GRID2IP: variants seen among roughly 807,000 people sequenced by gnomAD.
GRID2IP encodes the protein Grid2 interacting protein, also known as delphilin.
Under a neutral mutation model 114.3 loss-of-function variants are expected in GRID2IP, and 78 were observed. The ratio of observed to expected loss-of-function variants is 0.68; its 90% CI spans 0.57 to 0.82. The LOEUF is 0.82. GRID2IP is among the 40% of genes least tolerant of loss of function. The pLI is 0.00. For missense variants in GRID2IP, 1,727 were observed against 1,678.5 expected, an observed-to-expected ratio of 1.03 and a Z score of -0.51; for synonymous variants, 809 against 724.0, an observed-to-expected ratio of 1.12 and a Z score of -1.89.
chr7:6,502,207 C>T (rs1206472686), intron 18 of GRID2IP, 89 bp from the exon 19 acceptor site: 5 of 1,278,568 alleles, frequency 3.9e-6, no homozygotes, highest in Middle Eastern at 1.9e-4. Flanking sequence ...ACTGTGGCAT[C>T]AATGATGAAT....
intron 20 of GRID2IP, among the ~76,000 whole-genome samples, chr7:6,499,542 T>G (rs1393937466): frequency 6.6e-6 from 1 of 152,230 alleles, no homozygotes; most frequent in African/African-American, 2.4e-5. Context: ...GTGATTCTCC[T>G]GCCTCAGCCT....
chr7:6,540,536 T>A (rs976965595), intron 1 of GRID2IP, among the ~76,000 whole-genome samples: 2 of 151,768 alleles, frequency 1.3e-5, no homozygotes, highest in African/African-American at 2.4e-5. Context: ...TTATTTATTT[T>A]TTGTGACAGA....
In GRID2IP at chr7:6,519,094, T is replaced by C. The variant is rs1306564784; in HGVS notation, c.1268+1484A>G. Among the ~76,000 whole-genome samples, 1 of 151,860 alleles carries C rather than the reference T, an allele frequency of 6.6e-6. No homozygotes were observed. The highest frequency in any genetic ancestry group is 1.5e-5 in the Non-Finnish European group (1 of 67,980). On this transcript the variant is annotated intron_variant, in intron 7 of 21. Coordinates refer to ENST00000457091, the MANE Select transcript of GRID2IP (RefSeq NM_001145118.2). This position sits in a 1 kb window ranked among gnomAD's most constrained non-coding sequence, Gnocchi z 4.1. ...CCACCATGCCCAGCTAATTTTTTCT[T>C]TTTGTAGAGATGGCTTCTTGCTCTG...
At chr7:6,500,033 G>A (rs899015096) in intron 20 of GRID2IP, among the ~76,000 whole-genome samples, 3 of 151,604 alleles carry the variant, frequency 2.0e-5, no homozygotes, top group African/African-American at 7.3e-5. Flanking sequence ...ACCTGGCCCA[G>A]AGGCTACCCT....
At chr7:6,550,140 C>T (rs908814496) in intron 1 of GRID2IP, among the ~76,000 whole-genome samples, 1 of 151,992 alleles carries the variant, frequency 6.6e-6, no homozygotes, top group African/African-American at 2.4e-5. Context: ...ATAAGGCATG[C>T]ACCACCATGC....
chr7:6,542,237 G>A (rs1317429214), intron 1 of GRID2IP, among the ~76,000 whole-genome samples: 2 of 149,830 alleles, frequency 1.3e-5, no homozygotes, highest in South Asian at 2.1e-4. Flanking sequence ...CCCAGGAGTC[G>A]GAGGTTGCAG....
chr7:6,541,048 A>G (rs528441195), intron 1 of GRID2IP, among the ~76,000 whole-genome samples: 3 of 151,472 alleles, frequency 2.0e-5, no homozygotes, highest in Non-Finnish European at 4.4e-5. Flanking sequence ...GAACTGGCTA[A>G]TTAAATTTTT....
At chr7:6,525,793 G>C (rs1779498601) in intron 4 of GRID2IP, among the ~76,000 whole-genome samples, 1 of 152,182 alleles carries the variant, frequency 6.6e-6, no homozygotes. Context: ...TGCCAGGCAA[G>C]AACCCAGTTC....
chr7:6,533,501 G>A (rs1351341029), intron 2 of GRID2IP, among the ~76,000 whole-genome samples: 3 of 151,890 alleles, frequency 2.0e-5, no homozygotes, highest in Non-Finnish European at 4.4e-5. Context: ...TAGGACTACA[G>A]GCATGTACCA....
intron 2 of GRID2IP, among the ~76,000 whole-genome samples, chr7:6,531,874 C>A (rs1046564916): frequency 6.6e-6 from 1 of 152,116 alleles, no homozygotes; most frequent in African/African-American, 2.4e-5. Flanking sequence ...GACAAGAAGC[C>A]GAATTCCAAA....
intron 8 of GRID2IP, among the ~76,000 whole-genome samples, chr7:6,511,274 G>T (rs578179187): frequency 6.6e-6 from 1 of 152,006 alleles, no homozygotes; most frequent in Non-Finnish European, 1.5e-5. Context: ...GAACTCAGGG[G>T]CCTAGCAGAG....
chr7:6,522,668 TG>T (rs909242845), intron 4 of GRID2IP, among the ~76,000 whole-genome samples: 3 of 151,720 alleles, frequency 2.0e-5, no homozygotes, highest in African/African-American at 7.3e-5. Flanking sequence ...TTTTTTGAGA[TG>T]GAGTCTCGCT....
rs1317341895 is a variant in GRID2IP at position 6,512,602 on chromosome 7, CCA to C, written c.1424-1565_1424-1564del. Among the ~76,000 whole-genome samples, 3 of 152,006 alleles carry C rather than the reference CCA, an allele frequency of 2.0e-5. No homozygotes were observed. The East Asian group carries it at 5.8e-4, about 29-fold the overall frequency. ...CTCAGCTCACTGCAACCTCCGTCTC[CCA>C]GGTTCAAGCAATTCTCCTGCCTCAG... On this transcript the variant is annotated intron_variant, in intron 8 of 21. Transcript: ENST00000457091.
At position 6,523,749 on chromosome 7, in the gene GRID2IP, C is replaced by T. The variant is rs1165942126; in HGVS notation, c.920-1792G>A. ...CTATTGCTCAGACTGGTCTCAAACTCCTGGGCTCAAGTGATCTTCCTGCCT... is the reference window on the plus strand; with the variant it reads ...CTATTGCTCAGACTGGTCTCAAACTTCTGGGCTCAAGTGATCTTCCTGCCT... On this transcript the variant is annotated intron_variant, in intron 4 of 21. Coordinates refer to ENST00000457091, the MANE Select transcript of GRID2IP (RefSeq NM_001145118.2). This position sits in a 1 kb window ranked among gnomAD's most constrained non-coding sequence, Gnocchi z 4.5. Among the ~76,000 whole-genome samples the T allele has an allele frequency of 6.6e-6, 1 of 152,020 alleles. No individual in the cohort carries two copies.
At chr7:6,550,869 G>C in intron 1 of GRID2IP, 139 bp downstream of exon 1, 1 of 978,786 alleles carries the variant, frequency 1.0e-6, no homozygotes, top group East Asian at 3.5e-5. Flanking sequence ...TTTTGAAGTT[G>C]AGCATTCCCA....
chr7:6,537,448 G>C (rs1373006586), intron 2 of GRID2IP, among the ~76,000 whole-genome samples: 2 of 127,836 alleles, frequency 1.6e-5, no homozygotes, highest in East Asian at 2.4e-4. Context: ...CGTGATCTCA[G>C]CTCACCGCAA....
intron 18 of GRID2IP, 107 bp from the exon 19 acceptor site, chr7:6,502,225 GCCC>G (rs201122949): frequency 5.4e-6 from 6 of 1,111,304 alleles, no homozygotes; most frequent in Non-Finnish European, 6.5e-6. Context: ...AATTCTTGGC[GCCC>G]CCACTTTTTT....
chr7:6,521,549 G>A lies in GRID2IP; in HGVS notation c.990-26C>T, dbSNP rs1583344670. The stretch of plus-strand genomic sequence containing the variant: ...CTGCCAAGCAGAGATGGCCCAGGAG[G>A]GCCTGACTGGGGTGAGCCCTGTCCA... On this transcript the variant is annotated intron_variant, in intron 5 of 21. Transcript: ENST00000457091. This position sits in a 1 kb window ranked among gnomAD's most constrained non-coding sequence, Gnocchi z 4.1. The A allele has an allele frequency of 6.6e-7, 1 of 1,507,946 alleles. No homozygotes were observed. The allele number at this position is 1,507,946 out of a possible 1,614,324, so 93.4% of individuals were successfully genotyped here. A position where few individuals can be genotyped will look rare whatever the true frequency, so the allele number is the denominator to read the frequency against.
rs948556180 is a variant in GRID2IP at position 6,523,095 on chromosome 7, C to T, written c.920-1138G>A. Among the ~76,000 whole-genome samples, 6 of 152,086 alleles carry T rather than the reference C, an allele frequency of 3.9e-5. No individual in the cohort carries two copies. The highest frequency in any genetic ancestry group is 5.9e-5 in the Non-Finnish European group (4 of 68,022). ...CTGGGATTACAGGTGTGAGCCACCA[C>T]GTAGTCCTCTTTCTGCCTCTTTTAT... On this transcript the variant is annotated intron_variant, in intron 4 of 21. Transcript: ENST00000457091. This position sits in a 1 kb window ranked among gnomAD's most constrained non-coding sequence, Gnocchi z 4.5.
Sources: gnomAD v4.1 joint callset for allele counts (sites outside exome capture counted in the v4.1 genomes callset) on GRCh38, gnomAD v4.1.1 for gene constraint, Gnocchi (gnomAD v3.1) non-coding constraint, MANE v1.5 for transcripts, NCBI Gene and HGNC (gene_info 2026-07-23, HGNC 2026-07-21) for gene names.